Variants in TRAF5 observed in about 807,000 individuals in gnomAD.
TRAF5 encodes the protein TNF receptor associated factor 5, also known as TNF receptor-associated factor 5.
Under a neutral mutation model 64.5 loss-of-function variants are expected in TRAF5, and 48 were observed. The ratio of observed to expected loss-of-function variants is 0.74; its 90% CI spans 0.59 to 0.95. TRAF5 has a LOEUF of 0.95. TRAF5 is among the 40% of genes least tolerant of loss of function. TRAF5 has a pLI of 0.00. For missense variants in TRAF5, 545 were observed against 662.8 expected, an observed-to-expected ratio of 0.82 and a Z score of 1.95; for synonymous variants, 206 against 240.5, an observed-to-expected ratio of 0.86 and a Z score of 1.33.
chr1:211,365,502 C>A, intron 8 of TRAF5, 34 bp downstream of exon 8: 1 of 1,551,488 alleles, frequency 6.4e-7, no homozygotes, highest in Non-Finnish European at 8.9e-7. Flanking sequence ...AAAAGTGAGG[C>A]AACAGAATTG....
Position 211,372,490 on chromosome 1 carries a change from G to A in TRAF5, c.1462G>A (p.Asp488Asn). The A allele has an allele frequency of 6.2e-7, 1 of 1,614,134 alleles. No homozygotes were observed. Among genetic ancestry groups the A allele is most frequent in the Middle Eastern group, 1.6e-4 (1 of 6,062 alleles). ...FRQRVTLMLL[D>N]QSGKKNIMET... ...GCAGAGGGTGACCCTGATGCTTCTG[G>A]ACCAGAGTGGCAAAAAGAACATTAT... The change falls in exon 11 of 11, where the codon GAC becomes AAC. Residue 488 changes from aspartate to asparagine, a missense_variant. Transcript: ENST00000261464.
intron 8 of TRAF5, among the ~76,000 whole-genome samples, chr1:211,367,020 C>T (rs1381253278): frequency 2.0e-5 from 3 of 152,116 alleles, no homozygotes; most frequent in Non-Finnish European, 4.4e-5. Context: ...CTGGCCCTGT[C>T]ACCCAGGCTG....
chr1:211,347,037 G>T (rs1702632207), intron 1 of TRAF5, among the ~76,000 whole-genome samples: 1 of 152,000 alleles, frequency 6.6e-6, no homozygotes. Flanking sequence ...GAATACGAAT[G>T]CCATTGACTG....
intron 8 of TRAF5, 72 bp from the exon 9 acceptor site, chr1:211,369,379 TG>T: frequency 7.9e-7 from 1 of 1,272,028 alleles, no homozygotes; most frequent in Non-Finnish European, 1.0e-6. Context: ...TAGCTGCAAG[TG>T]CATGCATATT....
chr1:211,360,629 A>G (rs1185857067), intron 5 of TRAF5, 73 bp from the exon 6 acceptor site: 6 of 1,226,434 alleles, frequency 4.9e-6, no homozygotes, highest in Non-Finnish European at 7.2e-6. Flanking sequence ...ATAATCCCCA[A>G]AGAGACACAG....
At chr1:211,364,448 A>G (rs1703282332) in intron 7 of TRAF5, among the ~76,000 whole-genome samples, 1 of 152,180 alleles carries the variant, frequency 6.6e-6, no homozygotes, top group Admixed American at 6.5e-5. Context: ...GCACTTTGGG[A>G]GGCCAAGGCA....
chr1:211,360,670 C>T, intron 5 of TRAF5, 32 bp from the exon 6 acceptor site: 1 of 1,564,882 alleles, frequency 6.4e-7, no homozygotes, highest in Non-Finnish European at 8.8e-7. Flanking sequence ...TGAAAGACAA[C>T]CCTTTGTTTT....
chr1:211,330,398 T>C (rs1281628745), intron 1 of TRAF5, among the ~76,000 whole-genome samples: 1 of 151,126 alleles, frequency 6.6e-6, no homozygotes, highest in Non-Finnish European at 1.5e-5. Flanking sequence ...AAGGAGAAAG[T>C]GCTCTCCTCC....
intron 7 of TRAF5, among the ~76,000 whole-genome samples, chr1:211,361,806 C>T (rs1200147479): frequency 6.7e-6 from 1 of 148,178 alleles, no homozygotes; most frequent in African/African-American, 2.5e-5. Flanking sequence ...AAGCAATTCT[C>T]CTGCCTCGGC....
rs751788912 is a variant in TRAF5, at chr1:211,372,349, C to T, written c.1321C>T (p.Arg441Trp). 39 of 1,613,996 alleles carry T rather than the reference C, an allele frequency of 2.4e-5. No individual in the cohort carries two copies. Among genetic ancestry groups the T allele is most frequent in the Non-Finnish European group, 3.1e-5 (36 of 1,180,032 alleles). The change falls in exon 11 of 11, where the codon CGG becomes TGG. Residue 441 changes from arginine (R) to tryptophan (W), a missense_variant. Physicochemically the swap from Arg to Trp is moderately radical, Grantham distance 101 (BLOSUM62 -3). Coordinates refer to ENST00000261464, the MANE Select transcript of TRAF5 (RefSeq NM_001033910.3). ...QSFYTSRCGY[R>W]LCARAYLNGD... ...CTTCTACACCAGCCGCTGTGGCTAC[C>T]GGCTCTGTGCTAGAGCATACCTGAA...
At chr1:211,329,029 C>T (rs940555831) in intron 1 of TRAF5, among the ~76,000 whole-genome samples, 4 of 152,284 alleles carry the variant, frequency 2.6e-5, no homozygotes, top group Middle Eastern at 3.4e-3. Context: ...CCTCTTCCTC[C>T]GTCTGAGGGG....
intron 1 of TRAF5, among the ~76,000 whole-genome samples, chr1:211,351,426 TG>T (rs1308110462): frequency 9.9e-5 from 15 of 152,010 alleles, no homozygotes; most frequent in Admixed American, 7.9e-4. Context: ...TACTGTCACA[TG>T]GGGGGTTAGA....
In TRAF5 at chr1:211,372,634, G is replaced by A. The variant is rs149314484; in HGVS notation, c.1606G>A (p.Ala536Thr). ...AHSVLENAKN[A>T]YIKDDTLFLK... ...TTCTGTTTTGGAGAATGCCAAGAAC[G>A]CCTACATTAAAGATGACACTCTGTT... is the stretch of plus-strand genomic sequence containing the variant. The change falls in exon 11 of 11, where the codon GCC (alanine) becomes ACC (threonine). Residue 536 changes from alanine to threonine, a missense_variant. By Grantham distance (58) the Ala-to-Thr change is moderately conservative. Coordinates refer to ENST00000261464, the MANE Select transcript of TRAF5 (RefSeq NM_001033910.3). The A allele has an allele frequency of 2.2e-4, 357 of 1,614,054 alleles. 2 individuals carry two copies. Among genetic ancestry groups the A allele is most frequent in the Admixed American group, 1.2e-3 (69 of 59,998 alleles).
chr1:211,356,920 C>T (rs1702988125), intron 4 of TRAF5: 1 of 159,344 alleles, frequency 6.3e-6, no homozygotes. Context: ...GACCTGGCCT[C>T]ATGGGGTTTA....
chr1:211,337,529 C>T (rs1427972944), intron 1 of TRAF5, among the ~76,000 whole-genome samples: 1 of 152,174 alleles, frequency 6.6e-6, no homozygotes, highest in Non-Finnish European at 1.5e-5. Context: ...GCAGCAGAGA[C>T]AGCTTCTGTT....
intron 1 of TRAF5, among the ~76,000 whole-genome samples, chr1:211,337,086 G>A (rs546470281): frequency 6.6e-6 from 1 of 152,366 alleles, no homozygotes; most frequent in South Asian, 2.1e-4. Flanking sequence ...AATCCTTGCT[G>A]TGCTGGAGCT....
At position 211,361,174 on chromosome 1, in the gene TRAF5, CTT is replaced by C. The variant is rs763548566; in HGVS notation, c.696+16_696+17del. 1 of 1,613,056 alleles carries C rather than the reference CTT, an allele frequency of 6.2e-7. No individual in the cohort carries two copies. The highest frequency in any genetic ancestry group is 1.1e-5 in the South Asian group (1 of 91,036). On this transcript the variant is annotated intron_variant, in intron 7 of 10. Transcript: ENST00000261464. ...GCTGTGCTGTAACGGTATGGAATGACTTTTTGTTTCTGCCTATACATTCTACT... is the reference window on the plus strand; with the variant it reads ...GCTGTGCTGTAACGGTATGGAATGACTTTGTTTCTGCCTATACATTCTACT...
intron 1 of TRAF5, among the ~76,000 whole-genome samples, chr1:211,328,548 C>T (rs906346599): frequency 2.0e-5 from 3 of 152,050 alleles, no homozygotes; most frequent in Non-Finnish European, 2.9e-5. Flanking sequence ...GGTAGTAGGG[C>T]GATGGAAAGA....
At chr1:211,356,669 G>T in intron 4 of TRAF5, 1 of 514,000 alleles carries the variant, frequency 1.9e-6, no homozygotes, top group Non-Finnish European at 3.5e-6. Context: ...GGTTCGTCCT[G>T]TATGGAGCGC....
Sources: gnomAD v4.1 joint callset for allele counts (sites outside exome capture counted in the v4.1 genomes callset) on GRCh38, gnomAD v4.1.1 for gene constraint, MANE v1.5 for transcripts, NCBI Gene and HGNC (gene_info 2026-07-23, HGNC 2026-07-21) for gene names.